Variants in ZNF804B observed in about 807,000 individuals in gnomAD.
The protein encoded by ZNF804B is zinc finger protein 804B, also known as zinc finger 804B.
Under a neutral mutation model 101.4 loss-of-function variants are expected in ZNF804B, and 80 were observed. That is an observed-to-expected ratio of 0.79 (90% CI 0.66 to 0.95). ZNF804B has a LOEUF of 0.95. ZNF804B is among the 40% of genes least tolerant of loss of function. The pLI is 0.00. For missense variants in ZNF804B, 1,673 were observed against 1,561.9 expected, an observed-to-expected ratio of 1.07 and a Z score of -1.20; for synonymous variants, 622 against 558.8, an observed-to-expected ratio of 1.11 and a Z score of -1.59.
At chr7:89,159,346 C>A (rs576332499) in intron 1 of ZNF804B, among the ~76,000 whole-genome samples, 3 of 152,124 alleles carry the variant, frequency 2.0e-5, no homozygotes, top group Non-Finnish European at 4.4e-5. Context: ...TTAAAGAGAC[C>A]CTGTTAAAGT....
intron 2 of ZNF804B, among the ~76,000 whole-genome samples, chr7:89,277,731 T>C (rs948765893): frequency 6.6e-6 from 1 of 151,914 alleles, no homozygotes; most frequent in African/African-American, 2.4e-5. Context: ...TGCCACATTT[T>C]CTTAATCCCA....
At chr7:89,021,831 C>A (rs1178885363) in intron 1 of ZNF804B, among the ~76,000 whole-genome samples, 1 of 152,086 alleles carries the variant, frequency 6.6e-6, no homozygotes, top group Non-Finnish European at 1.5e-5. Context: ...AGAAGTAGGT[C>A]CAGTCTTAAG....
At chr7:89,079,844 A>G (rs1789670045) in intron 1 of ZNF804B, among the ~76,000 whole-genome samples, 1 of 152,086 alleles carries the variant, frequency 6.6e-6, no homozygotes, top group Non-Finnish European at 1.5e-5. Context: ...GATGAGATCA[A>G]TACTGGTATA....
intron 1 of ZNF804B, among the ~76,000 whole-genome samples, chr7:89,004,575 C>G (rs909648468): frequency 6.6e-6 from 1 of 151,688 alleles, no homozygotes; most frequent in Non-Finnish European, 1.5e-5. Flanking sequence ...AGTGTGGTGA[C>G]GGCATGCAGG....
At chr7:89,084,469 T>C (rs1301447895) in intron 1 of ZNF804B, among the ~76,000 whole-genome samples, 1 of 151,920 alleles carries the variant, frequency 6.6e-6, no homozygotes, top group Admixed American at 6.6e-5. Context: ...ATATCAGATT[T>C]TTCAGGTATT....
At position 89,294,567 on chromosome 7, in the gene ZNF804B, T is replaced by TA. The variant is rs201796423; in HGVS notation, c.250-32770dup. 3.5e-3 allele frequency among the ~76,000 whole-genome samples: 539 copies of TA among 151,838 alleles called. 6 individuals are homozygous for TA. Among genetic ancestry groups the TA allele is most frequent in the African/African-American group, 0.012 (516 of 41,418 alleles). On this transcript the variant is annotated intron_variant, in intron 2 of 3. Coordinates refer to ENST00000333190, the MANE Select transcript of ZNF804B (RefSeq NM_181646.5). ...CTTTTATCTCTTGTTACTTTTTTTTTAAAAAAATGCTTCTCTATACCTGCT... is the reference window on the plus strand; with the variant it reads ...CTTTTATCTCTTGTTACTTTTTTTTTAAAAAAAATGCTTCTCTATACCTGCT...
intron 1 of ZNF804B, among the ~76,000 whole-genome samples, chr7:89,110,786 A>G (rs1202905122): frequency 6.6e-6 from 1 of 152,182 alleles, no homozygotes. Flanking sequence ...AGAAACAAAA[A>G]TGCACAATAT....
At chr7:89,252,416 G>T (rs1403268468) in intron 2 of ZNF804B, among the ~76,000 whole-genome samples, 1 of 152,120 alleles carries the variant, frequency 6.6e-6, no homozygotes, top group Non-Finnish European at 1.5e-5. Flanking sequence ...TGGAAAAAAG[G>T]GAATGCATAT....
chr7:88,796,643 G>A (rs568738800), intron 1 of ZNF804B, among the ~76,000 whole-genome samples: 2 of 152,184 alleles, frequency 1.3e-5, no homozygotes, highest in African/African-American at 2.4e-5. Context: ...GCCTTGCCCG[G>A]CAATACCTTC....
chr7:89,093,201 A>G (rs1789921724), intron 1 of ZNF804B, among the ~76,000 whole-genome samples: 1 of 152,148 alleles, frequency 6.6e-6, no homozygotes, highest in African/African-American at 2.4e-5. Context: ...GTTAAATTCT[A>G]GTATACATAA....
At chr7:88,968,847 A>G (rs1793493707) in intron 1 of ZNF804B, among the ~76,000 whole-genome samples, 1 of 151,648 alleles carries the variant, frequency 6.6e-6, no homozygotes, top group Admixed American at 6.6e-5. Flanking sequence ...TCCATATTAC[A>G]TAGGTTAGAT....
intron 1 of ZNF804B, among the ~76,000 whole-genome samples, chr7:88,799,517 T>C (rs749093007): frequency 5.9e-5 from 9 of 152,186 alleles, no homozygotes; most frequent in Non-Finnish European, 1.0e-4. Context: ...AGATGATTCC[T>C]CTGGAACCAA....
intron 1 of ZNF804B, among the ~76,000 whole-genome samples, chr7:88,899,105 C>G (rs1434641627): frequency 6.6e-6 from 1 of 152,106 alleles, no homozygotes; most frequent in African/African-American, 2.4e-5. Flanking sequence ...TCCACAGTGC[C>G]AGAGCTTCTG....
intron 1 of ZNF804B, among the ~76,000 whole-genome samples, chr7:89,001,163 ATATAT>A (rs1160078032): frequency 6.7e-6 from 1 of 149,066 alleles, no homozygotes; most frequent in Admixed American, 6.8e-5. Flanking sequence ...TATACAATAT[ATATAT>A]TATATTCTAG....
chr7:88,957,021 T>A (rs1465397578), intron 1 of ZNF804B, among the ~76,000 whole-genome samples: 2 of 151,398 alleles, frequency 1.3e-5, no homozygotes, highest in Non-Finnish European at 3.0e-5. Context: ...GATGAAAAAA[T>A]TTTTTGATAC....
chr7:89,303,457 A>C (rs1390396615), intron 2 of ZNF804B, among the ~76,000 whole-genome samples: 1 of 151,946 alleles, frequency 6.6e-6, no homozygotes, highest in Admixed American at 6.6e-5. Flanking sequence ...AATAGATTGC[A>C]GAGGTTACCA....
At chr7:89,117,769 A>G in intron 1 of ZNF804B, among the ~76,000 whole-genome samples, 1 of 152,202 alleles carries the variant, frequency 6.6e-6, no homozygotes, top group East Asian at 1.9e-4. Context: ...TAAGTTTTGA[A>G]GGCTTGTAAT....
At chr7:89,306,700 T>C (rs576726807) in intron 2 of ZNF804B, among the ~76,000 whole-genome samples, 1 of 152,098 alleles carries the variant, frequency 6.6e-6, no homozygotes, top group South Asian at 2.1e-4. Flanking sequence ...TAGGACTGGG[T>C]GTAGGGAAGA....
At chr7:89,149,326 G>C (rs559717454) in intron 1 of ZNF804B, among the ~76,000 whole-genome samples, 3 of 152,122 alleles carry the variant, frequency 2.0e-5, no homozygotes, top group Non-Finnish European at 4.4e-5. Context: ...TCCAAATAAA[G>C]GTACAAAGCC....
Sources: allele counts gnomAD v4.1 joint callset (sites outside exome capture counted in the v4.1 genomes callset), GRCh38; gene constraint gnomAD v4.1.1; transcripts MANE v1.5; gene names NCBI Gene and HGNC (gene_info 2026-07-23, HGNC 2026-07-21).